The following IL18R1 variants were observed in gnomAD, a reference collection of about 807,000 sequenced individuals.
IL18R1 encodes the protein interleukin-18 receptor 1.
Under a neutral mutation model 48.5 loss-of-function variants are expected in IL18R1, and 40 were observed. The ratio of observed to expected loss-of-function variants is 0.82; its 90% CI spans 0.64 to 1.07. The LOEUF (loss-of-function observed/expected upper bound fraction) is 1.07. Ranked by LOEUF, IL18R1 falls within the 50% of genes least tolerant of loss-of-function variation. The pLI, the probability that IL18R1 is intolerant of heterozygous loss-of-function variation, is 0.00. For synonymous variants in IL18R1, 232 were observed against 225.9 expected (o/e 1.03, Z -0.24); for missense variants, 596 against 633.7 (o/e 0.94, Z 0.64).
Position 102,396,804 on chromosome 2 carries a change from A to G in IL18R1, c.1544A>G (p.Asn515Ser), listed in dbSNP as rs1231419818. The G allele has an allele frequency of 6.2e-7, 1 of 1,613,770 alleles. No individual in the cohort carries two copies. Among genetic ancestry groups the G allele is most frequent in the Non-Finnish European group, 8.5e-7 (1 of 1,179,886 alleles). Residue 515 changes from asparagine to serine, a missense_variant, in exon 11 of 11, where the codon AAC becomes AGC. Physicochemically the swap from Asn to Ser is conservative, Grantham distance 46 (BLOSUM62 1). Transcript: ENST00000233957. ...TCTTATAACTCAAGGTTCTGGAAGAACCTTCTTTACTTAATGCCTGCAAAA... is the reference window on the plus strand; with the variant it reads ...TCTTATAACTCAAGGTTCTGGAAGAGCCTTCTTTACTTAATGCCTGCAAAA... ...SLSYNSRFWK[N>S]LLYLMPAKTV...
intron 4 of IL18R1, 42 bp from the exon 5 acceptor site, chr2:102,375,865 G>T: frequency 7.3e-7 from 1 of 1,372,512 alleles, no homozygotes; most frequent in Non-Finnish European, 9.7e-7. Context: ...ATATCAATTT[G>T]GCTTTTACTT....
chr2:102,398,115 GT>G lies in IL18R1; in HGVS notation c.*1233del, dbSNP rs1680915131. 1 of 152,352 alleles carries G rather than the reference GT, an allele frequency of 6.6e-6. No individual in the cohort carries two copies. Among genetic ancestry groups the G allele is most frequent in the South Asian group, 2.1e-4 (1 of 4,824 alleles). 9.4% of individuals were successfully genotyped at this position (152,352 alleles called of 1,614,324 possible). A position where few individuals can be genotyped will look rare whatever the true frequency, so the allele number is the denominator to read the frequency against. ...GGAAGCAGATCTAGGGAGGAAGGCA[GT>G]TTTGATTTGAGGAGGTTTGCACATG... On this transcript the variant is annotated 3_prime_UTR_variant, in exon 11 of 11. Transcript: ENST00000233957.
At chr2:102,393,280 A>C (rs1443408294) in intron 9 of IL18R1, among the ~76,000 whole-genome samples, 1 of 152,182 alleles carries the variant, frequency 6.6e-6, no homozygotes, top group Non-Finnish European at 1.5e-5. Flanking sequence ...GAACCTACTT[A>C]CTGATTGATA....
chr2:102,366,167 G>C (rs756944300), intron 2 of IL18R1, among the ~76,000 whole-genome samples: 10 of 152,084 alleles, frequency 6.6e-5, no homozygotes, highest in Non-Finnish European at 1.3e-4. Context: ...TTCTCAAGCT[G>C]TGAATTTTCC....
chr2:102,394,033 A>T (rs541471812), intron 9 of IL18R1, among the ~76,000 whole-genome samples: 8 of 152,252 alleles, frequency 5.3e-5, no homozygotes, highest in Non-Finnish European at 1.0e-4. Flanking sequence ...AATTAGGAGC[A>T]TGGTCTTTGT....
chr2:102,390,187 C>T lies in IL18R1; in HGVS notation c.1081C>T (p.His361Tyr). Residue 361 changes from histidine (H) to tyrosine (Y), a missense_variant, in exon 9 of 11, where the codon CAT becomes TAT. Around this residue, in one of 3 missense-constraint regions of IL18R1, gnomAD observed 57 missense variants for 88.2 expected, o/e 0.65. Transcript: ENST00000233957. ...YRVDLVLFYRHLTRRDETLTD... is the reference protein window; with the variant it reads ...YRVDLVLFYRYLTRRDETLTD... The stretch of plus-strand genomic sequence containing the variant: ...AGTTGACTTGGTTCTATTTTATAGA[C>T]ATTTAACGAGAAGAGATGAAACATT... 1 of 1,613,890 alleles carries T rather than the reference C, an allele frequency of 6.2e-7. No individual in the cohort carries two copies. The highest frequency in any genetic ancestry group is 1.1e-5 in the South Asian group (1 of 91,062).
chr2:102,374,451 A>T (rs1490904239), intron 4 of IL18R1, among the ~76,000 whole-genome samples: 8 of 152,178 alleles, frequency 5.3e-5, no homozygotes, highest in Non-Finnish European at 1.5e-5. Context: ...GTGTTACAGT[A>T]TATGTAAATT....
At chr2:102,370,278 G>C (rs1679176604) in intron 3 of IL18R1, among the ~76,000 whole-genome samples, 1 of 152,222 alleles carries the variant, frequency 6.6e-6, no homozygotes, top group Non-Finnish European at 1.5e-5. Flanking sequence ...GTTAGGAATT[G>C]AGGATTACAG....
rs1573239605 is a variant in IL18R1 at position 102,397,804 on chromosome 2, A to G, written c.*918A>G. 1 of 152,324 alleles carries G rather than the reference A, an allele frequency of 6.6e-6. No individual in the cohort carries two copies. Among genetic ancestry groups the G allele is most frequent in the African/African-American group, 2.4e-5 (1 of 41,444 alleles). The allele number at this position is 152,324 out of a possible 1,614,324, so 9.4% of individuals were successfully genotyped here. ...AGTTAAGAGATGGGCTGTGCAGCCC[A>G]TCCTGAGCTCCAGTCCTGAGTTTGC... On this transcript the variant is annotated 3_prime_UTR_variant, in exon 11 of 11. Coordinates refer to ENST00000233957, the MANE Select transcript of IL18R1 (RefSeq NM_003855.5).
At chr2:102,369,578 G>A (rs1206269323) in intron 3 of IL18R1, among the ~76,000 whole-genome samples, 1 of 152,200 alleles carries the variant, frequency 6.6e-6, no homozygotes, top group African/African-American at 2.4e-5. Flanking sequence ...CTACATGGAA[G>A]CAGGTTGTTT....
At chr2:102,363,113 G>A (rs1678680209) in intron 2 of IL18R1, among the ~76,000 whole-genome samples, 1 of 151,710 alleles carries the variant, frequency 6.6e-6, no homozygotes, top group Non-Finnish European at 1.5e-5. Flanking sequence ...ATACAAAAAA[G>A]AGACTGGCTA....
chr2:102,372,637 G>T (rs1232648345), intron 4 of IL18R1, among the ~76,000 whole-genome samples: 1 of 151,888 alleles, frequency 6.6e-6, no homozygotes, highest in African/African-American at 2.4e-5. Context: ...TTTAAAAGTG[G>T]TATATTTTAT....
intron 10 of IL18R1, among the ~76,000 whole-genome samples, chr2:102,396,000 G>T (rs897185311): frequency 8.5e-5 from 13 of 152,160 alleles, no homozygotes; most frequent in African/African-American, 3.1e-4. Context: ...GAAAAAGTTT[G>T]CCAACCCCTG....
intron 1 of IL18R1, among the ~76,000 whole-genome samples, chr2:102,358,485 ATG>A (rs1454430385): frequency 1.3e-5 from 2 of 152,194 alleles, no homozygotes; most frequent in African/African-American, 4.8e-5. Context: ...ACTATTCGTT[ATG>A]TGTGTGTACA....
chr2:102,366,164 G>T (rs920097138), intron 2 of IL18R1, among the ~76,000 whole-genome samples: 1 of 152,102 alleles, frequency 6.6e-6, no homozygotes, highest in Non-Finnish European at 1.5e-5. Context: ...ACATTCTCAA[G>T]CTGTGAATTT....
chr2:102,373,787 A>G (rs1679409516), intron 4 of IL18R1: 1 of 207,976 alleles, frequency 4.8e-6, no homozygotes, highest in African/African-American at 2.3e-5. Flanking sequence ...CCTCACTAAC[A>G]TTACCACCTC....
At chr2:102,365,492 C>A (rs974799411) in intron 2 of IL18R1, among the ~76,000 whole-genome samples, 20 of 152,288 alleles carry the variant, frequency 1.3e-4, no homozygotes, top group African/African-American at 4.8e-4. Context: ...TGGTTTCTTT[C>A]ATGGGCTGGT....
In IL18R1 at chr2:102,390,195, G is replaced by C; in HGVS notation, c.1089G>C (p.Thr363=). The change falls in exon 9 of 11, where the codon ACG becomes ACC. Residue 363 remains threonine (T), a synonymous_variant. Transcript: ENST00000233957. Reference sequence around the variant, plus strand: ...TGGTTCTATTTTATAGACATTTAACGAGAAGAGATGAAACATTAACAGGTA... The same window carrying C: ...TGGTTCTATTTTATAGACATTTAACCAGAAGAGATGAAACATTAACAGGTA... ...VDLVLFYRHL[T]RRDETLTDGK... 6.2e-7 allele frequency: 1 copy of C among 1,613,912 alleles called. No homozygotes were observed. The highest frequency in any genetic ancestry group is 8.5e-7 in the Non-Finnish European group (1 of 1,179,880).
intron 1 of IL18R1, among the ~76,000 whole-genome samples, chr2:102,357,831 A>G (rs1678341058): frequency 6.6e-6 from 1 of 152,224 alleles, no homozygotes; most frequent in African/African-American, 2.4e-5. Context: ...TTGGCCTTAC[A>G]GATGAGAAGC....
Sources: allele counts gnomAD v4.1 joint callset (sites outside exome capture counted in the v4.1 genomes callset), GRCh38; gene constraint gnomAD v4.1.1; regional missense constraint gnomAD v4.1.1; transcripts MANE v1.5; gene names NCBI Gene and HGNC (gene_info 2026-07-23, HGNC 2026-07-21).